PEAK1: variants seen among roughly 807,000 people sequenced by gnomAD.
PEAK1 encodes the protein pseudopodium enriched atypical kinase 1, also known as inactive tyrosine-protein kinase PEAK1.
PEAK1 carries 54 observed loss-of-function variants against 124.7 expected under a neutral mutation model. The ratio of observed to expected loss-of-function variants is 0.43; its 90% CI spans 0.35 to 0.54. The LOEUF (loss-of-function observed/expected upper bound fraction) is 0.54. Among genes scored for constraint, PEAK1 ranks in the 20% least tolerant of loss-of-function variants. The probability of loss-of-function intolerance (pLI) is 0.01; values close to 1 mark genes in which losing one functional copy is unlikely to be tolerated. For missense variants in PEAK1, 2,046 were observed against 2,134.5 expected (o/e 0.96, Z 0.82); for synonymous variants, 719 against 760.0 (o/e 0.95, Z 0.89).
intron 1 of PEAK1, chr15:77,381,320 C>A (rs2069458393): frequency 3.6e-6 from 3 of 829,058 alleles, no homozygotes; most frequent in African/African-American, 1.9e-5. Context: ...GAGACTGAGG[C>A]GAAAGCACTG....
chr15:77,280,759 G>A (rs1396538644), intron 5 of PEAK1, among the ~76,000 whole-genome samples: 1 of 152,052 alleles, frequency 6.6e-6, no homozygotes. Context: ...GATCTTTTAT[G>A]AGCTCTAAAC....
At position 77,226,058 on chromosome 15, in the gene PEAK1, T is replaced by TACACAC. The variant is rs2059643425; in HGVS notation, c.-115+26308_-115+26309insGTGTGT. Among the ~76,000 whole-genome samples the TACACAC allele has an allele frequency of 4.6e-5, 3 of 64,878 alleles. 1 individual carries two copies. The highest frequency in any genetic ancestry group is 4.4e-5 in the African/African-American group (1 of 22,494). The allele number at this position is 64,878 out of a possible 152,430, so 42.6% of individuals were successfully genotyped here. On this transcript the variant is annotated intron_variant, in intron 6 of 9. Coordinates refer to ENST00000682557, the MANE Select transcript of PEAK1 (RefSeq NM_001385026.1). ...GAAAATAAAGGGATATATATATATATATATATATATATATATATATATATA... is the reference window on the plus strand; with the variant it reads ...GAAAATAAAGGGATATATATATATATACACACATATATATATATATATATATATATA...
chr15:77,332,636 A>C (rs998522831), intron 2 of PEAK1, among the ~76,000 whole-genome samples: 2 of 152,126 alleles, frequency 1.3e-5, no homozygotes, highest in Admixed American at 6.6e-5. Flanking sequence ...AAGTTAGAGG[A>C]AAATATAAAT....
chr15:77,206,769 T>C (rs1459394418), intron 6 of PEAK1, among the ~76,000 whole-genome samples: 1 of 151,886 alleles, frequency 6.6e-6, no homozygotes, highest in Non-Finnish European at 1.5e-5. Context: ...TTCTCCCATT[T>C]TGTAGGTTGC....
At chr15:77,413,565 C>T (rs979111725) in intron 1 of PEAK1, among the ~76,000 whole-genome samples, 1 of 151,972 alleles carries the variant, frequency 6.6e-6, no homozygotes, top group African/African-American at 2.4e-5. Flanking sequence ...ATACTTGTGT[C>T]AAGGTTATAA....
intron 5 of PEAK1, among the ~76,000 whole-genome samples, chr15:77,280,565 T>C (rs142572457): frequency 2.1e-5 from 1 of 47,692 alleles, no homozygotes; most frequent in South Asian, 5.0e-4. Flanking sequence ...AATGATTTCC[T>C]TTTTTTTTTT....
intron 5 of PEAK1, among the ~76,000 whole-genome samples, chr15:77,269,657 A>G (rs2061928327): frequency 1.3e-5 from 2 of 152,192 alleles, no homozygotes; most frequent in Admixed American, 1.3e-4. Flanking sequence ...AGACATTTAC[A>G]TAACATTCTA....
chr15:77,264,656 T>A lies in PEAK1; in HGVS notation c.-274-12130A>T, dbSNP rs561786138. Among the ~76,000 whole-genome samples the A allele has an allele frequency of 3.7e-3, 562 of 152,186 alleles. 3 individuals are homozygous for A. The highest frequency in any genetic ancestry group is 6.7e-3 in the Admixed American group (102 of 15,292). ...CACGCTCATGGGTAGGAAGAATCAA[T>A]ATCGTGAAAATGGCCATACTGCCCA... On this transcript the variant is annotated intron_variant, in intron 5 of 9. Coordinates refer to ENST00000682557, the MANE Select transcript of PEAK1 (RefSeq NM_001385026.1).
chr15:77,333,724 T>C (rs2066028757), intron 2 of PEAK1: 2 of 966,348 alleles, frequency 2.1e-6, no homozygotes, highest in South Asian at 4.8e-5. Context: ...ATGGCTTCAC[T>C]ATCATACATT....
At chr15:77,360,768 T>C (rs1234246749) in intron 2 of PEAK1, among the ~76,000 whole-genome samples, 3 of 151,814 alleles carry the variant, frequency 2.0e-5, no homozygotes, top group Non-Finnish European at 4.4e-5. Context: ...TATACATTTA[T>C]ATTATATGTA....
intron 2 of PEAK1, among the ~76,000 whole-genome samples, chr15:77,343,903 CT>C (rs1446083527): frequency 6.6e-6 from 1 of 152,056 alleles, no homozygotes; most frequent in African/African-American, 2.4e-5. Flanking sequence ...ATGTTTAGGT[CT>C]TTGATCAATG....
intron 6 of PEAK1, among the ~76,000 whole-genome samples, chr15:77,237,267 A>T (rs1476109841): frequency 6.6e-6 from 1 of 152,150 alleles, no homozygotes; most frequent in African/African-American, 2.4e-5. Context: ...TAAAAATTTA[A>T]ATTTCTCTAA....
chr15:77,199,252 A>G (rs528325491), intron 6 of PEAK1, among the ~76,000 whole-genome samples: 3 of 152,322 alleles, frequency 2.0e-5, no homozygotes, highest in Admixed American at 6.5e-5. Context: ...TGCCAGTAAG[A>G]GACTGCCTTT....
At chr15:77,224,571 T>C (rs2059544175) in intron 6 of PEAK1, among the ~76,000 whole-genome samples, 1 of 152,064 alleles carries the variant, frequency 6.6e-6, no homozygotes, top group Admixed American at 6.6e-5. Context: ...TAAACAAAGA[T>C]ATTCAGTTCA....
chr15:77,301,151 T>C (rs2063764439), intron 2 of PEAK1, among the ~76,000 whole-genome samples: 1 of 152,190 alleles, frequency 6.6e-6, no homozygotes, highest in Non-Finnish European at 1.5e-5. Context: ...AATCAAGTAA[T>C]TAGCAGGGCT....
intron 6 of PEAK1, among the ~76,000 whole-genome samples, chr15:77,234,275 AT>A (rs2060023538): frequency 6.6e-6 from 1 of 152,192 alleles, no homozygotes; most frequent in South Asian, 2.1e-4. Context: ...ATCGATTAAT[AT>A]ATTTTCTTTC....
chr15:77,224,342 T>A (rs969432613), intron 6 of PEAK1, among the ~76,000 whole-genome samples: 1 of 152,044 alleles, frequency 6.6e-6, no homozygotes, highest in East Asian at 1.9e-4. Context: ...TAGAATTCAA[T>A]GTTCACATTA....
Position 77,110,317 on chromosome 15 carries a change from T to C in PEAK1, c.*3839A>G, listed in dbSNP as rs2152704653. The C allele has an allele frequency of 6.6e-6, 1 of 152,376 alleles. No homozygotes were observed. The highest frequency in any genetic ancestry group is 2.1e-4 in the South Asian group (1 of 4,828). 9.4% of individuals were successfully genotyped at this position (152,376 alleles called of 1,614,324 possible). A position where few individuals can be genotyped will look rare whatever the true frequency, so the allele number is the denominator to read the frequency against. ...CATGTTGGCCAGGCTGGTCTCAAAC[T>C]CCTGACCTCAGGTGATCTGCCCACC... On this transcript the variant is annotated 3_prime_UTR_variant, in exon 10 of 10. Coordinates refer to ENST00000682557, the MANE Select transcript of PEAK1 (RefSeq NM_001385026.1).
chr15:77,164,551 A>T (rs2055933135), intron 7 of PEAK1, among the ~76,000 whole-genome samples: 1 of 152,242 alleles, frequency 6.6e-6, no homozygotes, highest in African/African-American at 2.4e-5. Context: ...CAAGACAACA[A>T]AGCATATAAA....
Sources: gnomAD v4.1 joint callset for allele counts (sites outside exome capture counted in the v4.1 genomes callset) on GRCh38, gnomAD v4.1.1 for gene constraint, MANE v1.5 for transcripts, NCBI Gene and HGNC (gene_info 2026-07-23, HGNC 2026-07-21) for gene names.